SASH1: variants seen among roughly 807,000 people sequenced by gnomAD.
The protein encoded by SASH1 is SAM and SH3 domain-containing protein 1.
A neutral mutation model predicts 125.2 loss-of-function variants in SASH1; 44 were observed. The observed-to-expected ratio is 0.35, with a 90% CI of 0.28 to 0.45. SASH1 has a LOEUF of 0.45. Among genes scored for constraint, SASH1 ranks in the 20% least tolerant of loss-of-function variants. The pLI is 1.00. For synonymous variants in SASH1, 639 were observed against 649.1 expected, an observed-to-expected ratio of 0.98 and a Z score of 0.24; for missense variants, 1,426 against 1,614.5, an observed-to-expected ratio of 0.88 and a Z score of 2.00.
At chr6:148,448,115 A>AGAGAGTGTGTGTGT (rs374141600) in intron 4 of SASH1, among the ~76,000 whole-genome samples, 11 of 146,816 alleles carry the variant, frequency 7.5e-5, no homozygotes, top group East Asian at 2.0e-4. Flanking sequence ...CAGTGGAGAG[A>AGAGAGTGTGTGTGT]GTGTGTGTGT....
At chr6:148,350,998 A>C (rs1258433534) in intron 1 of SASH1, among the ~76,000 whole-genome samples, 1 of 152,056 alleles carries the variant, frequency 6.6e-6, no homozygotes, top group Non-Finnish European at 1.5e-5. Context: ...GAAGTGTTTC[A>C]CTGGGCAGCA....
chr6:148,468,625 C>G, intron 5 of SASH1, 40 bp downstream of exon 5: 1 of 1,327,092 alleles, frequency 7.5e-7, no homozygotes, highest in East Asian at 2.4e-5. Flanking sequence ...TTAATTATTT[C>G]AATACTTTAT....
chr6:148,417,751 G>T (rs1562393829), intron 2 of SASH1, among the ~76,000 whole-genome samples: 2 of 151,976 alleles, frequency 1.3e-5, no homozygotes, highest in Non-Finnish European at 2.9e-5. Flanking sequence ...AATAGGCAAA[G>T]TTCCTACCTT....
intron 2 of SASH1, among the ~76,000 whole-genome samples, chr6:148,395,210 T>C (rs957922306): frequency 6.6e-6 from 1 of 152,208 alleles, no homozygotes; most frequent in East Asian, 1.9e-4. Context: ...GGGTGAATTT[T>C]GGAGATTGAA....
intron 1 of SASH1, among the ~76,000 whole-genome samples, chr6:148,280,924 G>T (rs1419100445): frequency 6.6e-6 from 1 of 151,772 alleles, no homozygotes; most frequent in Non-Finnish European, 1.5e-5. Context: ...AAATGGAAGA[G>T]TGTTGTTTTG....
intron 2 of SASH1, among the ~76,000 whole-genome samples, chr6:148,439,244 C>T (rs1776442957): frequency 1.3e-5 from 2 of 152,066 alleles, no homozygotes; most frequent in Admixed American, 6.6e-5. Flanking sequence ...GATTCTTCTG[C>T]CTCTCACAAT....
intron 1 of SASH1, among the ~76,000 whole-genome samples, chr6:148,305,804 A>G (rs549039480): frequency 2.0e-5 from 3 of 152,300 alleles, no homozygotes; most frequent in East Asian, 1.9e-4. Context: ...CGCACCAGAA[A>G]CTAGCAACAT....
At chr6:148,537,783 T>TGTGTA (rs1781942975) in intron 16 of SASH1, among the ~76,000 whole-genome samples, 1 of 40,172 alleles carries the variant, frequency 2.5e-5, no homozygotes, top group Non-Finnish European at 5.0e-5. Flanking sequence ...ATTCTGTGTG[T>TGTGTA]GTGTGTGTGT....
At chr6:148,545,522 A>C (rs901537939) in intron 18 of SASH1, among the ~76,000 whole-genome samples, 4 of 152,172 alleles carry the variant, frequency 2.6e-5, no homozygotes, top group African/African-American at 9.6e-5. Flanking sequence ...CAAACAGTTG[A>C]ATATCTGTAA....
chr6:148,256,273 T>C, the SASH1 span, among the ~76,000 whole-genome samples: 1 of 152,206 alleles, frequency 6.6e-6, no homozygotes, highest in East Asian at 1.9e-4. Context: ...TCATCTTAGT[T>C]TTTCAAGTAG....
intron 17 of SASH1, among the ~76,000 whole-genome samples, chr6:148,542,548 G>A (rs185266927): frequency 4.6e-4 from 70 of 152,152 alleles, no homozygotes; most frequent in African/African-American, 1.7e-3. Flanking sequence ...CACCATGCCC[G>A]GCTAATTTTT....
At chr6:148,357,715 TAGAA>T (rs887926778) in intron 1 of SASH1, among the ~76,000 whole-genome samples, 9 of 152,148 alleles carry the variant, frequency 5.9e-5, no homozygotes, top group African/African-American at 2.2e-4. Flanking sequence ...TTGTAGAAAA[TAGAA>T]AGGCCTACTT....
At chr6:148,263,519 C>A in the SASH1 span, among the ~76,000 whole-genome samples, 1 of 152,172 alleles carries the variant, frequency 6.6e-6, no homozygotes, top group Admixed American at 6.5e-5. Context: ...CTGTGCACAG[C>A]CCAGAAAGTC....
At chr6:148,273,296 C>CTTTTT (rs758727802) in intron 1 of SASH1, among the ~76,000 whole-genome samples, 8 of 134,666 alleles carry the variant, frequency 5.9e-5, no homozygotes, top group African/African-American at 8.3e-5. Context: ...TTCTTTCTTT[C>CTTTTT]TTTTTTTTTT....
At chr6:148,229,814 C>T in the SASH1 span, among the ~76,000 whole-genome samples, 259 of 149,056 alleles carry the variant, frequency 1.7e-3, no homozygotes, top group African/African-American at 5.7e-3. Context: ...CAGGTTCAAG[C>T]GATTCTCCTG....
At chr6:148,351,482 G>T (rs1197673925) in intron 1 of SASH1, among the ~76,000 whole-genome samples, 3 of 151,888 alleles carry the variant, frequency 2.0e-5, no homozygotes, top group Non-Finnish European at 1.5e-5. Flanking sequence ...AAGTTTCCAT[G>T]TGTCCACCCA....
chr6:148,511,596 G>T (rs1215165090), intron 8 of SASH1, among the ~76,000 whole-genome samples: 1 of 152,052 alleles, frequency 6.6e-6, no homozygotes, highest in East Asian at 1.9e-4. Context: ...TAATTCAAAG[G>T]TGTGTTTCTC....
chr6:148,382,358 T>C (rs112156432), intron 1 of SASH1, among the ~76,000 whole-genome samples: 3 of 152,278 alleles, frequency 2.0e-5, no homozygotes, highest in African/African-American at 7.2e-5. Flanking sequence ...GGTGCCATCT[T>C]GGCTCACTGC....
In SASH1 at chr6:148,550,858, A is replaced by AGAT. The variant is rs1406545742; in HGVS notation, c.*2301_*2303dup. 1 of 152,258 alleles carries AGAT rather than the reference A, an allele frequency of 6.6e-6. No individual in the cohort carries two copies. The highest frequency in any genetic ancestry group is 1.9e-4 in the East Asian group (1 of 5,198). The allele number at this position is 152,258 out of a possible 1,614,324, so 9.4% of individuals were successfully genotyped here. A position where few individuals can be genotyped will look rare whatever the true frequency, so the allele number is the denominator to read the frequency against. The stretch of plus-strand genomic sequence containing the variant: ...CCACACAAAAGTTGTGTAAGAGATG[A>AGAT]GATAACAAAGGAGCGAGAGAAATCT... On this transcript the variant is annotated 3_prime_UTR_variant, in exon 20 of 20. Transcript: ENST00000367467.
Sources: gnomAD v4.1 joint callset for allele counts (sites outside exome capture counted in the v4.1 genomes callset) on GRCh38, gnomAD v4.1.1 for gene constraint, MANE v1.5 for transcripts, NCBI Gene and HGNC (gene_info 2026-07-23, HGNC 2026-07-21) for gene names.